NCKAP5: variants seen among roughly 807,000 people sequenced by gnomAD.
The protein encoded by NCKAP5 is NCK associated protein 5.
In NCKAP5, 92 loss-of-function variants were observed where a neutral mutation model predicts 167.0. That is an observed-to-expected ratio of 0.55 (90% CI 0.47 to 0.66). The LOEUF is 0.66. Ranked by LOEUF, NCKAP5 falls within the 30% of genes least tolerant of loss-of-function variation. The pLI is 0.00. For synonymous variants in NCKAP5, 891 were observed against 877.4 expected (o/e 1.02, Z -0.27); for missense variants, 2,378 against 2,315.0 (o/e 1.03, Z -0.56).
intron 8 of NCKAP5, among the ~76,000 whole-genome samples, chr2:132,928,322 A>G (rs575355052): frequency 1.3e-5 from 2 of 152,346 alleles, no homozygotes; most frequent in Admixed American, 1.3e-4. Flanking sequence ...CGTATGATAA[A>G]TTAAGATAAA....
intron 5 of NCKAP5, among the ~76,000 whole-genome samples, chr2:133,209,070 A>C (rs1006225344): frequency 1.4e-5 from 1 of 69,922 alleles, no homozygotes; most frequent in Non-Finnish European, 3.4e-5. Flanking sequence ...TTTGCAAAAA[A>C]TTACATTAAA....
At position 133,317,585 on chromosome 2, in the gene NCKAP5, G is replaced by A. The variant is rs1365155856; in HGVS notation, c.70-14475C>T. Among the ~76,000 whole-genome samples the A allele has an allele frequency of 2.0e-5, 3 of 152,214 alleles. No homozygotes were observed. In the East Asian group the frequency reaches 5.8e-4, roughly 29 times the overall value. On this transcript the variant is annotated intron_variant, in intron 3 of 19. Coordinates refer to ENST00000409261, the MANE Select transcript of NCKAP5 (RefSeq NM_207363.3). ...ACTGTAGGCCTATTCAATAGAACCT[G>A]CTCTCCAGTCAAGGCTGCCAACTCA...
intron 3 of NCKAP5, among the ~76,000 whole-genome samples, chr2:133,505,204 A>G (rs576354794): frequency 1.3e-5 from 2 of 152,296 alleles, no homozygotes; most frequent in Non-Finnish European, 2.9e-5. Flanking sequence ...GAAAAATAGA[A>G]TGCTCCATAT....
At chr2:133,205,758 T>C (rs1234212030) in intron 5 of NCKAP5, among the ~76,000 whole-genome samples, 2 of 151,964 alleles carry the variant, frequency 1.3e-5, no homozygotes, top group African/African-American at 4.8e-5. Flanking sequence ...GAATATGCCA[T>C]ATATATATAT....
chr2:133,152,574 G>C (rs992731801), intron 5 of NCKAP5, among the ~76,000 whole-genome samples: 1 of 152,088 alleles, frequency 6.6e-6, no homozygotes, highest in Non-Finnish European at 1.5e-5. Flanking sequence ...AAACAGGCGT[G>C]ATACATCCTG....
At chr2:132,734,275 T>G (rs1038574913) in intron 16 of NCKAP5, among the ~76,000 whole-genome samples, 3 of 152,224 alleles carry the variant, frequency 2.0e-5, no homozygotes, top group African/African-American at 7.2e-5. Context: ...GACACTGCTA[T>G]TCAGACTTCT....
At chr2:133,447,902 G>A (rs2151187843) in intron 3 of NCKAP5, among the ~76,000 whole-genome samples, 1 of 152,300 alleles carries the variant, frequency 6.6e-6, no homozygotes, top group East Asian at 1.9e-4. Flanking sequence ...GGCTGAGACA[G>A]GGTGCCACAT....
At chr2:132,690,223 G>A (rs1686541643) in intron 19 of NCKAP5, among the ~76,000 whole-genome samples, 1 of 152,094 alleles carries the variant, frequency 6.6e-6, no homozygotes, top group Non-Finnish European at 1.5e-5. Flanking sequence ...ACATCCCAAG[G>A]CTATGCGTGA....
intron 6 of NCKAP5, among the ~76,000 whole-genome samples, chr2:133,056,296 C>T (rs976374014): frequency 2.1e-4 from 32 of 152,136 alleles, no homozygotes; most frequent in African/African-American, 7.5e-4. Context: ...CCTATTTTAA[C>T]AATTTACCTT....
intron 4 of NCKAP5, among the ~76,000 whole-genome samples, chr2:133,297,629 T>G (rs1680063884): frequency 6.6e-6 from 1 of 152,216 alleles, no homozygotes; most frequent in Non-Finnish European, 1.5e-5. Flanking sequence ...TCTTTGCACC[T>G]AGTCCTATAT....
At chr2:133,567,235 AG>A (rs1423807580) in intron 1 of NCKAP5, among the ~76,000 whole-genome samples, 1 of 152,212 alleles carries the variant, frequency 6.6e-6, no homozygotes, top group Non-Finnish European at 1.5e-5. Context: ...GCAGGCACTG[AG>A]GAGCAGAGCT....
chr2:133,370,659 T>C (rs915284943), intron 3 of NCKAP5, among the ~76,000 whole-genome samples: 1 of 151,698 alleles, frequency 6.6e-6, no homozygotes, highest in African/African-American at 2.4e-5. Context: ...TGTATGCAAT[T>C]TCAAGCAGTT....
Position 132,933,224 on chromosome 2 carries a change from C to T in NCKAP5, c.579+30496G>A, listed in dbSNP as rs185222931. Among the ~76,000 whole-genome samples, 162 of 152,286 alleles carry T rather than the reference C, an allele frequency of 1.1e-3. 1 individual carries two copies. The highest frequency in any genetic ancestry group is 1.7e-3 in the Non-Finnish European group (115 of 68,020). ...ATCCTCTACTTCTAACTCTCAACCA[C>T]GAGCTGAAACACCCTCACTTTTTCT... On this transcript the variant is annotated intron_variant, in intron 8 of 19. Coordinates refer to ENST00000409261, the MANE Select transcript of NCKAP5 (RefSeq NM_207363.3).
intron 3 of NCKAP5, among the ~76,000 whole-genome samples, chr2:133,462,372 G>T (rs1039571477): frequency 4.6e-5 from 7 of 152,074 alleles, no homozygotes; most frequent in Non-Finnish European, 1.0e-4. Context: ...ACTAAATCTT[G>T]GCTTCTACAG....
chr2:133,532,755 AC>A (rs1177859145), intron 2 of NCKAP5, among the ~76,000 whole-genome samples: 2 of 151,238 alleles, frequency 1.3e-5, no homozygotes. Context: ...CCCTAATTTC[AC>A]CCCCTTCACT....
At chr2:133,542,928 T>C (rs993896389) in intron 2 of NCKAP5, among the ~76,000 whole-genome samples, 7 of 152,234 alleles carry the variant, frequency 4.6e-5, no homozygotes, top group African/African-American at 1.4e-4. Flanking sequence ...ACACTATGTA[T>C]ACCATAGGTA....
chr2:132,912,397 A>G (rs958658224), intron 8 of NCKAP5, among the ~76,000 whole-genome samples: 3 of 152,202 alleles, frequency 2.0e-5, no homozygotes, highest in African/African-American at 7.2e-5. Flanking sequence ...TTCAGAATAT[A>G]TAGATAGATT....
rs559893100 is a variant in NCKAP5 at position 133,451,957 on chromosome 2, T to C, written c.69+65501A>G. ...CACACACATACTGAGTAATGGGGGC[T>C]ATATGTGCACTGCACAAGAAAATTT... On this transcript the variant is annotated intron_variant, in intron 3 of 19. Coordinates refer to ENST00000409261, the MANE Select transcript of NCKAP5 (RefSeq NM_207363.3). 2.6e-5 allele frequency among the ~76,000 whole-genome samples: 4 copies of C among 152,318 alleles called. No homozygotes were observed. In the East Asian group the frequency reaches 7.7e-4, roughly 29 times the overall value.
rs189518036 is a variant in NCKAP5, at chr2:133,223,562, G to C, written c.144-9783C>G. Among the ~76,000 whole-genome samples, 22 of 152,206 alleles carry C rather than the reference G, an allele frequency of 1.4e-4. No individual in the cohort carries two copies. In the East Asian group the frequency reaches 4.2e-3, roughly 29 times the overall value. On this transcript the variant is annotated intron_variant, in intron 4 of 19. Coordinates refer to ENST00000409261, the MANE Select transcript of NCKAP5 (RefSeq NM_207363.3). ...TTTAATTACTCATCCCCTCTGACAG[G>C]GTGAGAGGAGATTTTAGAAAACTTT... is the stretch of plus-strand genomic sequence containing the variant.
Sources: allele counts gnomAD v4.1 joint callset (sites outside exome capture counted in the v4.1 genomes callset), GRCh38; gene constraint gnomAD v4.1.1; transcripts MANE v1.5; gene names NCBI Gene and HGNC (gene_info 2026-07-23, HGNC 2026-07-21).